The following ZPBP2 variants were observed in gnomAD, a reference collection of about 807,000 sequenced individuals.
ZPBP2 encodes zona pellucida binding protein 2, also known as zona pellucida-binding protein 2.
In ZPBP2, 34 loss-of-function variants were observed where a neutral mutation model predicts 37.5. That is an observed-to-expected ratio of 0.91 (90% CI 0.69 to 1.21). ZPBP2 has a LOEUF of 1.21. Among genes scored for constraint, ZPBP2 ranks in the 50% most tolerant of loss-of-function variants. The pLI is 0.00. For synonymous variants in ZPBP2, 143 were observed against 138.4 expected, an observed-to-expected ratio of 1.03 and a Z score of -0.23; for missense variants, 397 against 413.5, an observed-to-expected ratio of 0.96 and a Z score of 0.35.
At chr17:39,874,979 G>C (rs1315089017) in intron 6 of ZPBP2, among the ~76,000 whole-genome samples, 1 of 151,506 alleles carries the variant, frequency 6.6e-6, no homozygotes. Context: ...TCGAACTCTT[G>C]ACCTCGCGAT....
intron 6 of ZPBP2, 36 bp from the exon 7 acceptor site, chr17:39,875,218 G>T (rs1464778341): frequency 1.3e-6 from 2 of 1,587,022 alleles, no homozygotes; most frequent in South Asian, 2.3e-5. Flanking sequence ...TCATGGTTTA[G>T]TAATTGTACC....
intron 6 of ZPBP2, 108 bp from the exon 7 acceptor site, chr17:39,875,146 T>G (rs1568092301): frequency 1.0e-6 from 1 of 997,190 alleles, no homozygotes; most frequent in Admixed American, 2.6e-5. Flanking sequence ...GGAATTTATC[T>G]ACGTTAAGTA....
rs143510095 is a variant in ZPBP2 at position 39,875,281 on chromosome 17, C to T, written c.736C>T (p.Arg246Trp). The change falls in exon 7 of 8, where the codon CGG becomes TGG. Residue 246 changes from arginine (R) to tryptophan (W), a missense_variant. Arg to Trp is a moderately radical substitution (Grantham distance 101). Coordinates refer to ENST00000348931, the MANE Select transcript of ZPBP2 (RefSeq NM_199321.3). Reference protein sequence around the residue: ...QARDRIEDFFRSQAYIFYHNF... With the variant: ...QARDRIEDFFWSQAYIFYHNF... The stretch of plus-strand genomic sequence containing the variant: ...AAGAGATCGAATAGAAGACTTTTTT[C>T]GGAGCCAAGCATATATTTTCTACCA... 4.7e-5 allele frequency: 75 copies of T among 1,608,168 alleles called. No individual in the cohort carries two copies. The highest frequency in any genetic ancestry group is 1.7e-4 in the Middle Eastern group (1 of 6,058).
chr17:39,875,213 G>A, intron 6 of ZPBP2, 41 bp from the exon 7 acceptor site: 3 of 1,575,944 alleles, frequency 1.9e-6, no homozygotes, highest in Non-Finnish European at 2.6e-6. Context: ...TTGGTTCATG[G>A]TTTAGTAATT....
At chr17:39,871,774 A>G in intron 4 of ZPBP2, 149 bp downstream of exon 4, 1 of 606,756 alleles carries the variant, frequency 1.6e-6, no homozygotes, top group South Asian at 3.5e-5. Flanking sequence ...TGACTAAGCA[A>G]ACTCTTAAGT....
chr17:39,873,073 G>A lies in ZPBP2; in HGVS notation c.655G>A (p.Ala219Thr), dbSNP rs2063372790. The change falls in exon 6 of 8, where the codon GCT (alanine) becomes ACT (threonine). Residue 219 changes from alanine to threonine, a missense_variant. Ala to Thr is a moderately conservative substitution (Grantham distance 58). Transcript: ENST00000348931. ...TCCTTTTGCGCCGGGGTGGAAAGGTGCTTGCAATGGATCTGTTGACTGTGA... is the reference window on the plus strand; with the variant it reads ...TCCTTTTGCGCCGGGGTGGAAAGGTACTTGCAATGGATCTGTTGACTGTGA... Reference protein sequence around the residue: ...VNPFAPGWKGACNGSVDCEDT... With the variant: ...VNPFAPGWKGTCNGSVDCEDT... The A allele has an allele frequency of 9.9e-6, 16 of 1,612,212 alleles. No individual in the cohort carries two copies. In the East Asian group the frequency reaches 1.1e-4, roughly 11 times the overall value.
intron 7 of ZPBP2, among the ~76,000 whole-genome samples, chr17:39,875,883 CTTTTTTT>C (rs34192567): frequency 2.2e-4 from 14 of 63,764 alleles, no homozygotes; most frequent in Non-Finnish European, 4.7e-4. Context: ...TGCTTGGCCC[CTTTTTTT>C]TTTTTTTTTT....
intron 2 of ZPBP2, among the ~76,000 whole-genome samples, chr17:39,870,105 G>A (rs1365967560): frequency 6.6e-6 from 1 of 152,030 alleles, no homozygotes; most frequent in Admixed American, 6.6e-5. Context: ...GTGCAGTGGT[G>A]CACTCTCGGC....
intron 3 of ZPBP2, 104 bp downstream of exon 3, chr17:39,870,923 A>C: frequency 9.7e-7 from 1 of 1,026,078 alleles, no homozygotes; most frequent in Non-Finnish European, 1.3e-6. Flanking sequence ...TTTTAATGGC[A>C]GTTTCTCTTG....
At chr17:39,875,883 C>CG (rs1555647948) in intron 7 of ZPBP2, among the ~76,000 whole-genome samples, 1 of 63,770 alleles carries the variant, frequency 1.6e-5, no homozygotes, top group African/African-American at 5.2e-5. Flanking sequence ...TGCTTGGCCC[C>CG]TTTTTTTTTT....
chr17:39,875,190 C>A (rs1458233788), intron 6 of ZPBP2, 64 bp from the exon 7 acceptor site: 2 of 1,431,862 alleles, frequency 1.4e-6, no homozygotes, highest in Non-Finnish European at 9.6e-7. Flanking sequence ...GCCTGTGATA[C>A]TGGAGGATAA....
At chr17:39,871,411 A>C in intron 3 of ZPBP2, 53 bp from the exon 4 acceptor site, 1 of 1,324,444 alleles carries the variant, frequency 7.6e-7, no homozygotes, top group Non-Finnish European at 1.0e-6. Context: ...CAAGTGTACT[A>C]AATAATGCTT....
intron 5 of ZPBP2, among the ~76,000 whole-genome samples, chr17:39,872,804 TCAAA>T (rs2063371411): frequency 6.6e-6 from 1 of 152,230 alleles, no homozygotes; most frequent in South Asian, 2.1e-4. Flanking sequence ...AAGTGAATAA[TCAAA>T]CCAAATTTAT....
At chr17:39,876,399 G>A (rs2063390828) in intron 7 of ZPBP2, among the ~76,000 whole-genome samples, 1 of 151,998 alleles carries the variant, frequency 6.6e-6, no homozygotes, top group Non-Finnish European at 1.5e-5. Flanking sequence ...CTAGAAATAG[G>A]AACTCATAAA....
rs748757931 is a variant in ZPBP2, at chr17:39,872,255, CT to C, written c.407-5del. 6,313 of 1,315,640 alleles carry C rather than the reference CT, an allele frequency of 4.8e-3. No homozygotes were observed. Among genetic ancestry groups the C allele is most frequent in the South Asian group, 9.7e-3 (657 of 67,494 alleles). 81.5% of individuals were successfully genotyped at this position (1,315,640 alleles called of 1,614,324 possible). On this transcript the variant is annotated splice_polypyrimidine_tract_variant and intron_variant, in intron 4 of 7. Transcript: ENST00000348931. ...TACGATTGTTTTCACTCTCATCTTT[CT>C]TTTTTTTTTAAAGCCTATCGGGAAC... is the stretch of plus-strand genomic sequence containing the variant.
At chr17:39,869,589 G>A (rs1364842569) in intron 2 of ZPBP2, among the ~76,000 whole-genome samples, 1 of 142,698 alleles carries the variant, frequency 7.0e-6, no homozygotes, top group Non-Finnish European at 1.5e-5. Context: ...ATTTTTAGTA[G>A]AGACAGGGTT....
Position 39,875,883 on chromosome 17 carries a change from C to CTTTT in ZPBP2, c.889+477_889+480dup, listed in dbSNP as rs34192567. ...AGGTGTGGGCTACCATGCTTGGCCCCTTTTTTTTTTTTTTTTTTTTTTTTT... is the reference window on the plus strand; with the variant it reads ...AGGTGTGGGCTACCATGCTTGGCCCCTTTTTTTTTTTTTTTTTTTTTTTTTTTTT... On this transcript the variant is annotated intron_variant, in intron 7 of 7. Transcript: ENST00000348931. 1.4e-4 allele frequency among the ~76,000 whole-genome samples: 9 copies of CTTTT among 63,780 alleles called. 1 individual carries two copies. Among genetic ancestry groups the CTTTT allele is most frequent in the East Asian group, 8.0e-4 (2 of 2,496 alleles). The allele number at this position is 63,780 out of a possible 152,430, so 41.8% of individuals were successfully genotyped here. A position where few individuals can be genotyped will look rare whatever the true frequency, so the allele number is the denominator to read the frequency against.
Position 39,877,015 on chromosome 17 carries a change from TGAA to T in ZPBP2, c.*208_*210del. 2.0e-6 allele frequency: 1 copy of T among 498,822 alleles called. No homozygotes were observed. The highest frequency in any genetic ancestry group is 3.4e-5 in the Admixed American group (1 of 29,728). The allele number at this position is 498,822 out of a possible 1,614,324, so 30.9% of individuals were successfully genotyped here. ...GTATCTCTAGTGTACAAAGGAAACTTGAAGTTTTAATGGATTATTTTTAATGAA... is the reference window on the plus strand; with the variant it reads ...GTATCTCTAGTGTACAAAGGAAACTTGTTTTAATGGATTATTTTTAATGAA... On this transcript the variant is annotated 3_prime_UTR_variant, in exon 8 of 8. Transcript: ENST00000348931.
Position 39,877,194 on chromosome 17 carries a change from A to G in ZPBP2, c.*385A>G, listed in dbSNP as rs117846478. The G allele has an allele frequency of 0.027, 4,178 of 155,310 alleles. 75 individuals are homozygous for G. Among genetic ancestry groups the G allele is most frequent in the Non-Finnish European group, 0.041 (2,879 of 69,744 alleles). 9.6% of individuals were successfully genotyped at this position (155,310 alleles called of 1,614,324 possible). A position where few individuals can be genotyped will look rare whatever the true frequency, so the allele number is the denominator to read the frequency against. On this transcript the variant is annotated 3_prime_UTR_variant, in exon 8 of 8. Transcript: ENST00000348931. ...TCTTGTGTGATATAAAGGCGTGTAT[A>G]TTATCTTTGTATTAGAACCAAAAAA...
Sources: allele counts gnomAD v4.1 joint callset (sites outside exome capture counted in the v4.1 genomes callset), GRCh38; gene constraint gnomAD v4.1.1; transcripts MANE v1.5; gene names NCBI Gene and HGNC (gene_info 2026-07-23, HGNC 2026-07-21).